The following FGD4 variants were observed in gnomAD, a reference collection of about 807,000 sequenced individuals.
The protein encoded by FGD4 is FYVE, RhoGEF and PH domain-containing protein 4.
FGD4 carries 42 observed loss-of-function variants against 102.0 expected under a neutral mutation model. The observed-to-expected ratio is 0.41, with a 90% CI of 0.32 to 0.53. FGD4 has a LOEUF of 0.53. Ranked by LOEUF, FGD4 falls within the 20% of genes least tolerant of loss-of-function variation. FGD4 has a pLI of 0.21. For missense variants in FGD4, 902 were observed against 1,078.2 expected (o/e 0.84, Z 2.29); for synonymous variants, 380 against 375.7 (o/e 1.01, Z -0.13).
intron 1 of FGD4, among the ~76,000 whole-genome samples, chr12:32,541,105 T>C (rs1444266852): frequency 2.6e-5 from 4 of 152,056 alleles, no homozygotes; most frequent in Admixed American, 2.0e-4. Context: ...AACTGGTTCA[T>C]TTTTTTTCTT....
intron 1 of FGD4, chr12:32,485,777 C>T (rs1419229733): frequency 2.2e-6 from 2 of 910,332 alleles, no homozygotes; most frequent in Admixed American, 1.2e-4. Flanking sequence ...TTGTTATAAG[C>T]CTAAATGCCA....
At chr12:32,524,735 G>A (rs577324107) in intron 1 of FGD4, among the ~76,000 whole-genome samples, 8 of 152,126 alleles carry the variant, frequency 5.3e-5, no homozygotes, top group South Asian at 4.1e-4. Context: ...TGAGGTGGGA[G>A]GATTGCTTGA....
intron 1 of FGD4, among the ~76,000 whole-genome samples, chr12:32,539,783 T>A (rs1303208574): frequency 1.3e-5 from 2 of 152,202 alleles, no homozygotes; most frequent in Non-Finnish European, 2.9e-5. Context: ...GATAATATAC[T>A]TGATCTGAAT....
At chr12:32,636,784 T>G (rs964259566) in intron 15 of FGD4, among the ~76,000 whole-genome samples, 2 of 151,810 alleles carry the variant, frequency 1.3e-5, no homozygotes, top group African/African-American at 4.8e-5. Flanking sequence ...AGACAGAAAA[T>G]AGAAGCAAAC....
rs975518759 is a variant in FGD4 at position 32,585,252 on chromosome 12, A to C, written c.1011+2785A>C. Among the ~76,000 whole-genome samples the C allele has an allele frequency of 2.0e-4, 26 of 129,656 alleles. 2 individuals are homozygous for C. The highest frequency in any genetic ancestry group is 7.8e-4 in the African/African-American group (25 of 31,856). The allele number at this position is 129,656 out of a possible 152,430, so 85.1% of individuals were successfully genotyped here. A position where few individuals can be genotyped will look rare whatever the true frequency, so the allele number is the denominator to read the frequency against. On this transcript the variant is annotated intron_variant, in intron 4 of 16. Transcript: ENST00000534526. ...TATATATATATATATATATATATAT[A>C]TATATGTATATCTTAAAGGCAACTT...
intron 2 of FGD4, among the ~76,000 whole-genome samples, chr12:32,570,602 C>T (rs572177213): frequency 3.3e-5 from 5 of 151,980 alleles, no homozygotes; most frequent in Admixed American, 1.3e-4. Context: ...CCACCACGCC[C>T]GGCTAATTTT....
At chr12:32,443,397 C>T (rs1942507916) in intron 1 of FGD4, among the ~76,000 whole-genome samples, 1 of 152,058 alleles carries the variant, frequency 6.6e-6, no homozygotes, top group African/African-American at 2.4e-5. Flanking sequence ...GTCACCTGGG[C>T]TAGAGTGCAG....
chr12:32,643,720 G>A lies in FGD4; in HGVS notation c.*3187G>A, dbSNP rs1466625468. The stretch of plus-strand genomic sequence containing the variant: ...CTAGTTATAAATATATAAAGAAAAC[G>A]ATAAAGTTTGTGGTACTGCAGGGTT... On this transcript the variant is annotated 3_prime_UTR_variant, in exon 17 of 17. Coordinates refer to ENST00000534526, the MANE Select transcript of FGD4 (RefSeq NM_001370298.3). 1 of 151,112 alleles carries A rather than the reference G, an allele frequency of 6.6e-6. No individual in the cohort carries two copies. The highest frequency in any genetic ancestry group is 1.5e-5 in the Non-Finnish European group (1 of 67,778). The allele number at this position is 151,112 out of a possible 1,614,324, so 9.4% of individuals were successfully genotyped here.
chr12:32,603,706 A>AT (rs529903811), intron 7 of FGD4, among the ~76,000 whole-genome samples: 5,134 of 140,660 alleles, frequency 0.036, 148 homozygotes, highest in African/African-American at 0.085. Flanking sequence ...AATGTTTATT[A>AT]TTTTTTTTTT....
chr12:32,404,383 A>G (rs1276710561), intron 1 of FGD4, among the ~76,000 whole-genome samples: 1 of 152,074 alleles, frequency 6.6e-6, no homozygotes, highest in East Asian at 1.9e-4. Flanking sequence ...TTTTGGTGAA[A>G]GCAATACAAA....
intron 1 of FGD4, among the ~76,000 whole-genome samples, chr12:32,431,531 T>C (rs1368257293): frequency 6.6e-6 from 1 of 152,200 alleles, no homozygotes; most frequent in Non-Finnish European, 1.5e-5. Flanking sequence ...TTGTGTGGAC[T>C]TTTGGAAAAG....
chr12:32,481,533 T>C (rs1286326038), intron 1 of FGD4, among the ~76,000 whole-genome samples: 2 of 151,240 alleles, frequency 1.3e-5, no homozygotes, highest in African/African-American at 4.9e-5. Context: ...GCTTTAAAAA[T>C]GAACATCAGC....
At chr12:32,538,915 G>A (rs945112239) in intron 1 of FGD4, among the ~76,000 whole-genome samples, 9 of 152,152 alleles carry the variant, frequency 5.9e-5, no homozygotes, top group African/African-American at 1.7e-4. Flanking sequence ...TCAGCTGGGC[G>A]TGGTGGCACG....
In FGD4 at chr12:32,616,529, A is replaced by G. The variant is rs76628041; in HGVS notation, c.1750-3169A>G. ...CACCCTCTCCAGTGCTGTGCTTGTC[A>G]CAGAATCTTGCCTTGCCAGTGCACA... On this transcript the variant is annotated intron_variant, in intron 10 of 16. Transcript: ENST00000534526. Among the ~76,000 whole-genome samples the G allele has an allele frequency of 3.3e-5, 5 of 152,298 alleles. No individual in the cohort carries two copies. In the East Asian group the frequency reaches 9.7e-4, roughly 29 times the overall value.
At chr12:32,606,463 A>T (rs1346683450) in intron 7 of FGD4, among the ~76,000 whole-genome samples, 4 of 143,692 alleles carry the variant, frequency 2.8e-5, no homozygotes, top group Admixed American at 6.9e-5. Context: ...TCCTCTACTT[A>T]TTTTTTTTTT....
intron 1 of FGD4, among the ~76,000 whole-genome samples, chr12:32,523,963 G>C (rs1687588916): frequency 6.6e-6 from 1 of 152,100 alleles, no homozygotes; most frequent in South Asian, 2.1e-4. Context: ...GGGCGACAGA[G>C]CAAGACTCTG....
chr12:32,600,702 GGTAA>G (rs1948369069), intron 5 of FGD4, among the ~76,000 whole-genome samples: 1 of 150,896 alleles, frequency 6.6e-6, no homozygotes, highest in South Asian at 2.1e-4. Context: ...CTAAAAAGCA[GGTAA>G]GTATCTGAGA....
chr12:32,602,100 A>C (rs1948465295), intron 6 of FGD4, 61 bp from the exon 7 acceptor site: 3 of 1,503,148 alleles, frequency 2.0e-6, no homozygotes, highest in African/African-American at 1.4e-5. Flanking sequence ...GGGTGACAGA[A>C]CAAGACCCTG....
chr12:32,629,423 T>C lies in FGD4; in HGVS notation c.2172+3644T>C, dbSNP rs376686504. On this transcript the variant is annotated intron_variant, in intron 14 of 16. Coordinates refer to ENST00000534526, the MANE Select transcript of FGD4 (RefSeq NM_001370298.3). ...GCCAGGCATTGTTTGAAGTGTGTTG[T>C]GTATACTGTTGCTTATAGTTTCTCA... 7.2e-5 allele frequency among the ~76,000 whole-genome samples: 11 copies of C among 152,342 alleles called. 2 individuals are homozygous for C. Among genetic ancestry groups the C allele is most frequent in the Admixed American group, 1.3e-4 (2 of 15,308 alleles).
Sources: allele counts gnomAD v4.1 joint callset (sites outside exome capture counted in the v4.1 genomes callset), GRCh38; gene constraint gnomAD v4.1.1; transcripts MANE v1.5; gene names NCBI Gene and HGNC (gene_info 2026-07-23, HGNC 2026-07-21).